The following EPHA6 variants were observed in gnomAD, a reference collection of about 807,000 sequenced individuals.
EPHA6 encodes the protein EPH receptor A6, also known as ephrin type-A receptor 6.
Under a neutral mutation model 112.0 loss-of-function variants are expected in EPHA6, and 50 were observed. The observed-to-expected ratio is 0.45, with a 90% confidence interval of 0.36 to 0.56. EPHA6 has a LOEUF of 0.56. Ranked by LOEUF, EPHA6 falls within the 20% of genes least tolerant of loss-of-function variation. EPHA6 has a pLI of 0.00. For synonymous variants in EPHA6, 529 were observed against 490.7 expected (o/e 1.08, Z -1.03); for missense variants, 1,280 against 1,417.4 (o/e 0.90, Z 1.56).
In EPHA6 at chr3:97,546,770, A is replaced by C. The variant is rs554441377; in HGVS notation, c.2386+14227A>C. On this transcript the variant is annotated intron_variant, in intron 11 of 17. Coordinates refer to ENST00000389672, the MANE Select transcript of EPHA6 (RefSeq NM_001080448.3). ...TTGGAAGCTTTGTTCATTTCTTTTT[A>C]TTCTTTTTTCTCTAAACTTCTCTTC... Among the ~76,000 whole-genome samples the C allele has an allele frequency of 1.2e-3, 189 of 152,032 alleles. 1 individual carries two copies. The highest frequency in any genetic ancestry group is 2.3e-3 in the Admixed American group (35 of 15,262).
chr3:97,520,539 A>G (rs1331840453), intron 10 of EPHA6, among the ~76,000 whole-genome samples: 3 of 152,124 alleles, frequency 2.0e-5, no homozygotes. Context: ...TCATCCTATT[A>G]TCTTCTGGCC....
At chr3:97,261,894 A>G (rs939807351) in intron 5 of EPHA6, among the ~76,000 whole-genome samples, 1 of 152,180 alleles carries the variant, frequency 6.6e-6, no homozygotes, top group Non-Finnish European at 1.5e-5. Flanking sequence ...TAGTTAATAC[A>G]TGGACAAATT....
At chr3:97,317,439 T>C (rs1409168675) in intron 5 of EPHA6, among the ~76,000 whole-genome samples, 2 of 152,082 alleles carry the variant, frequency 1.3e-5, no homozygotes, top group Non-Finnish European at 2.9e-5. Context: ...TGGCAAACAC[T>C]ATTTTAAACT....
At chr3:97,393,475 G>A (rs1559953313) in intron 5 of EPHA6, among the ~76,000 whole-genome samples, 1 of 151,754 alleles carries the variant, frequency 6.6e-6, no homozygotes. Context: ...AGATTATCCT[G>A]ACAACTTTAA....
chr3:97,232,969 C>T (rs370732745), intron 4 of EPHA6, among the ~76,000 whole-genome samples: 16 of 152,182 alleles, frequency 1.1e-4, no homozygotes, highest in African/African-American at 2.2e-4. Context: ...GGTCATATAC[C>T]GGTCAAACTC....
intron 5 of EPHA6, among the ~76,000 whole-genome samples, chr3:97,375,003 G>T (rs745338119): frequency 2.0e-5 from 3 of 152,032 alleles, no homozygotes; most frequent in African/African-American, 2.4e-5. Context: ...TGTGTCCAGC[G>T]CATGCTAGCA....
chr3:96,939,000 T>C (rs1576103254), intron 2 of EPHA6, among the ~76,000 whole-genome samples: 1 of 152,102 alleles, frequency 6.6e-6, no homozygotes, highest in African/African-American at 2.4e-5. Context: ...CTGCTGGATT[T>C]GGTTTGCCAG....
intron 3 of EPHA6, among the ~76,000 whole-genome samples, chr3:97,060,918 C>T (rs1269736071): frequency 7.3e-5 from 7 of 96,106 alleles, no homozygotes; most frequent in Non-Finnish European, 1.3e-4. Context: ...AGCCAGACTC[C>T]GTCTCAAAAA....
chr3:97,327,280 A>T (rs917454373), intron 5 of EPHA6, among the ~76,000 whole-genome samples: 8 of 152,032 alleles, frequency 5.3e-5, no homozygotes, highest in African/African-American at 1.9e-4. Flanking sequence ...TTTTTAATTG[A>T]CATTTTTATT....
intron 3 of EPHA6, among the ~76,000 whole-genome samples, chr3:97,151,782 T>C (rs911705680): frequency 1.1e-4 from 16 of 152,088 alleles, no homozygotes; most frequent in African/African-American, 3.9e-4. Flanking sequence ...ATTTTCACTT[T>C]AATACAATAA....
chr3:97,061,419 C>T (rs2046017808), intron 3 of EPHA6, among the ~76,000 whole-genome samples: 1 of 152,168 alleles, frequency 6.6e-6, no homozygotes, highest in Non-Finnish European at 1.5e-5. Context: ...ACATTCTGTA[C>T]TTTGGGCCCA....
At chr3:97,674,778 T>C (rs949927008) in intron 14 of EPHA6, among the ~76,000 whole-genome samples, 12 of 152,222 alleles carry the variant, frequency 7.9e-5, no homozygotes, top group African/African-American at 2.9e-4. Context: ...CTAAAGCGCA[T>C]CTCTGAAATC....
chr3:97,359,888 T>A (rs2084282612), intron 5 of EPHA6, among the ~76,000 whole-genome samples: 1 of 152,216 alleles, frequency 6.6e-6, no homozygotes, highest in Admixed American at 6.5e-5. Context: ...GTGGTCACTT[T>A]CTAATTTTTT....
chr3:97,054,042 A>G (rs771161239), intron 3 of EPHA6, among the ~76,000 whole-genome samples: 1 of 151,966 alleles, frequency 6.6e-6, no homozygotes, highest in Non-Finnish European at 1.5e-5. Flanking sequence ...GGCGTCATTC[A>G]TGGCTAGGTA....
chr3:97,343,426 A>G (rs2083403717), intron 5 of EPHA6, among the ~76,000 whole-genome samples: 1 of 152,234 alleles, frequency 6.6e-6, no homozygotes, highest in African/African-American at 2.4e-5. Flanking sequence ...GAAAAAGGGA[A>G]GAAATGAATT....
At position 97,755,955 on chromosome 3, in the gene EPHA6, A is replaced by T. The variant is rs757552749; in HGVS notation, c.*7254A>T. On this transcript the variant is annotated 3_prime_UTR_variant, in exon 18 of 18. Coordinates refer to ENST00000389672, the MANE Select transcript of EPHA6 (RefSeq NM_001080448.3). ...TAAAATGTCCTCTTCCACTGCTTTTATAATTAAAAATCTCTTTCCTACCTT... is the reference window on the plus strand; with the variant it reads ...TAAAATGTCCTCTTCCACTGCTTTTTTAATTAAAAATCTCTTTCCTACCTT... Among the ~76,000 whole-genome samples, 1 of 152,068 alleles carries T rather than the reference A, an allele frequency of 6.6e-6. No individual in the cohort carries two copies. The highest frequency in any genetic ancestry group is 1.5e-5 in the Non-Finnish European group (1 of 67,902).
At chr3:96,917,173 C>G (rs1218869040) in intron 2 of EPHA6, among the ~76,000 whole-genome samples, 4 of 152,166 alleles carry the variant, frequency 2.6e-5, no homozygotes, top group Admixed American at 1.3e-4. Context: ...GTAATCCCAG[C>G]ACTTTGAGAG....
At chr3:96,916,722 T>G (rs1384585165) in intron 2 of EPHA6, among the ~76,000 whole-genome samples, 2 of 152,146 alleles carry the variant, frequency 1.3e-5, no homozygotes, top group Non-Finnish European at 2.9e-5. Flanking sequence ...AAGGTTATTC[T>G]TTTGATTAAA....
chr3:96,886,970 A>G (rs111450176), intron 2 of EPHA6, among the ~76,000 whole-genome samples: 2,148 of 152,156 alleles, frequency 0.014, 33 homozygotes, highest in Non-Finnish European at 0.021. Flanking sequence ...TTTCTTGAAT[A>G]TTTCTACCTT....
Sources: allele counts gnomAD v4.1 joint callset (sites outside exome capture counted in the v4.1 genomes callset), GRCh38; gene constraint gnomAD v4.1.1; transcripts MANE v1.5; gene names NCBI Gene and HGNC (gene_info 2026-07-23, HGNC 2026-07-21).